Variants in SLC9A6 observed in about 807,000 individuals in gnomAD.
SLC9A6 encodes the protein solute carrier family 9 member A6, also known as sodium/hydrogen exchanger 6.
Under a neutral mutation model 45.3 loss-of-function variants are expected in SLC9A6, and 6 were observed. That is an observed-to-expected ratio of 0.13 (90% confidence interval 0.07 to 0.26). The LOEUF (loss-of-function observed/expected upper bound fraction) is 0.26, where lower values mean the gene tolerates loss of function less well. Ranked by LOEUF, SLC9A6 falls within the 10% of genes least tolerant of loss-of-function variation. The pLI is 1.00. For synonymous variants in SLC9A6, 191 were observed against 187.7 expected (o/e 1.02, Z -0.14); for missense variants, 278 against 503.7 (o/e 0.55, Z 4.29).
upstream of SLC9A6, among the ~76,000 whole-genome samples, chrX:135,980,593 G>A (rs2089282127): frequency 9.0e-6 from 1 of 111,475 alleles, no homozygotes; most frequent in Admixed American, 9.6e-5. Context: ...GTCTCACTCT[G>A]TTGTCTAGGC....
At chrX:135,985,402 G>T, upstream of SLC9A6, 2 of 550,104 alleles carry the variant, frequency 3.6e-6, no homozygotes, top group South Asian at 7.6e-5. Flanking sequence ...CGCGCGCTCC[G>T]ACGGCTACCC....
At chrX:136,005,416 C>T (rs1470920058) in intron 7 of SLC9A6, among the ~76,000 whole-genome samples, 1 of 112,840 alleles carries the variant, frequency 8.9e-6, no homozygotes, top group Non-Finnish European at 1.9e-5. Flanking sequence ...CGCAGTGGCT[C>T]ATGCCTGTGA....
At chrX:136,031,981 GAA>G (rs1556621189) in intron 15 of SLC9A6, among the ~76,000 whole-genome samples, 1 of 112,595 alleles carries the variant, frequency 8.9e-6, no homozygotes, top group Non-Finnish European at 1.9e-5. Context: ...GAAGCAGAGA[GAA>G]ATTTATTTTG....
At chrX:136,019,084 A>G (rs2071075469) in intron 11 of SLC9A6, among the ~76,000 whole-genome samples, 1 of 111,915 alleles carries the variant, frequency 8.9e-6, no homozygotes, top group Middle Eastern at 4.6e-3. Context: ...AAATTCCTCA[A>G]TACAAAATCC....
At chrX:136,035,624 AT>A (rs1234473424) in intron 16 of SLC9A6, among the ~76,000 whole-genome samples, 4 of 112,170 alleles carry the variant, frequency 3.6e-5, no homozygotes, top group Non-Finnish European at 7.5e-5. Context: ...GCTTTTGGCT[AT>A]TACAAAAACC....
upstream of SLC9A6, among the ~76,000 whole-genome samples, chrX:135,984,785 C>T: frequency 9.0e-6 from 1 of 111,524 alleles, no homozygotes; most frequent in South Asian, 3.7e-4. Flanking sequence ...GAAGTGTTTA[C>T]GAGCATTGGG....
At chrX:136,008,166 G>A (rs1463504172) in intron 7 of SLC9A6, among the ~76,000 whole-genome samples, 2 of 112,107 alleles carry the variant, frequency 1.8e-5, no homozygotes, top group Non-Finnish European at 3.8e-5. Flanking sequence ...ATGAGGAAAT[G>A]GTTGAATAAA....
At chrX:136,016,606 CTT>C (rs1556619282) in intron 10 of SLC9A6, 37 bp from the exon 11 acceptor site, 2 of 736,187 alleles carry the variant, frequency 2.7e-6, no homozygotes, top group East Asian at 6.3e-5. Flanking sequence ...AATTATGTAA[CTT>C]TATTTGCTGG....
intron 4 of SLC9A6, 52 bp downstream of exon 4, chrX:135,998,237 T>C (rs782443111): frequency 2.6e-6 from 2 of 756,547 alleles, no homozygotes; most frequent in Admixed American, 2.2e-5. Flanking sequence ...CTCAGTGGGC[T>C]TTGTAATATT....
chrX:136,020,185 A>G (rs1422960491), intron 11 of SLC9A6, among the ~76,000 whole-genome samples: 2 of 110,904 alleles, frequency 1.8e-5, no homozygotes, highest in Non-Finnish European at 3.8e-5. Context: ...TTCCCCCGCC[A>G]TGTTGTACTG....
At chrX:136,044,227 C>T (rs1217899251) in intron 17 of SLC9A6, among the ~76,000 whole-genome samples, 1 of 111,119 alleles carries the variant, frequency 9.0e-6, no homozygotes, top group African/African-American at 3.3e-5. Context: ...GTCTGGTTGG[C>T]AGACAATGGG....
intron 13 of SLC9A6, 60 bp downstream of exon 13, chrX:136,024,543 C>T: frequency 8.6e-6 from 9 of 1,043,718 alleles, no homozygotes; most frequent in Admixed American, 2.2e-5. Flanking sequence ...TATTTTTCTG[C>T]CTGTTTTCAA....
chrX:136,022,835 T>C lies in SLC9A6; in HGVS notation c.1306+138T>C, dbSNP rs184418403. The C allele has an allele frequency of 2.4e-5, 8 of 337,191 alleles. No individual in the cohort carries two copies. In the East Asian group the frequency reaches 5.3e-4, roughly 22 times the overall value. 27.8% of individuals were successfully genotyped at this position (337,191 alleles called of 1,213,427 possible). ...ATATTATTTATTTATTTAGAGACAC[T>C]GTTTCACTCTGTCGCCCAGGCTGTA... On this transcript the variant is annotated intron_variant, in intron 12 of 17. Coordinates refer to ENST00000630721, the MANE Select transcript of SLC9A6 (RefSeq NM_001379110.1).
rs547929971 is a variant in SLC9A6, at chrX:136,034,575, G to T, written c.1661+1082G>T. Among the ~76,000 whole-genome samples, 34 of 112,118 alleles carry T rather than the reference G, an allele frequency of 3.0e-4. 1 individual carries two copies. In the South Asian group the frequency reaches 0.012, roughly 40 times the overall value. On this transcript the variant is annotated intron_variant, in intron 16 of 17. Coordinates refer to ENST00000630721, the MANE Select transcript of SLC9A6 (RefSeq NM_001379110.1). ...GTAAATGATTCAAAACTTGGTTTAT[G>T]TTCTATTGAAGCAAATTGGAGACAA...
intron 15 of SLC9A6, among the ~76,000 whole-genome samples, chrX:136,030,625 C>T (rs1427474514): frequency 9.0e-6 from 1 of 111,599 alleles, no homozygotes; most frequent in Non-Finnish European, 1.9e-5. Flanking sequence ...ACCAGTCTTC[C>T]CTGCCTGCTC....
At chrX:135,986,281 T>G (rs1184520935) in intron 2 of SLC9A6, among the ~76,000 whole-genome samples, 5 of 110,609 alleles carry the variant, frequency 4.5e-5, no homozygotes, top group African/African-American at 9.9e-5. Flanking sequence ...GGCGTTCTTT[T>G]GGAGCCAGAG....
chrX:136,007,209 A>C (rs1487716229), intron 7 of SLC9A6, among the ~76,000 whole-genome samples: 1 of 110,398 alleles, frequency 9.1e-6, no homozygotes, highest in African/African-American at 3.3e-5. Flanking sequence ...ATTCTTAGCC[A>C]GGGGCAATTT....
intron 1 of SLC9A6, among the ~76,000 whole-genome samples, chrX:135,979,095 G>A (rs1332777533): frequency 9.0e-6 from 1 of 111,315 alleles, no homozygotes; most frequent in Non-Finnish European, 1.9e-5. Flanking sequence ...CTCGGCTGCA[G>A]CACCCAATTA....
rs112146537 is a variant in SLC9A6, at chrX:135,990,042, G to A, written c.169+4215G>A. Among the ~76,000 whole-genome samples the A allele has an allele frequency of 1.3e-3, 143 of 111,859 alleles. 1 individual carries two copies. The highest frequency in any genetic ancestry group is 2.3e-3 in the Non-Finnish European group (124 of 53,094). ...GCTCTGTCTCCCAGGCTGGAGTGCAGTGGCGCTATCTCGGCTCACTGCAAG... is the reference window on the plus strand; with the variant it reads ...GCTCTGTCTCCCAGGCTGGAGTGCAATGGCGCTATCTCGGCTCACTGCAAG... On this transcript the variant is annotated intron_variant, in intron 2 of 17. Coordinates refer to ENST00000630721, the MANE Select transcript of SLC9A6 (RefSeq NM_001379110.1).
Sources: gnomAD v4.1 joint callset for allele counts (sites outside exome capture counted in the v4.1 genomes callset) on GRCh38, gnomAD v4.1.1 for gene constraint, MANE v1.5 for transcripts, NCBI Gene and HGNC (gene_info 2026-07-23, HGNC 2026-07-21) for gene names.